The following GABRG2 variants were observed in gnomAD, a reference collection of about 807,000 sequenced individuals.
GABRG2 encodes gamma-aminobutyric acid receptor subunit gamma-2.
Under a neutral mutation model 56.4 loss-of-function variants are expected in GABRG2, and 16 were observed. The observed-to-expected ratio is 0.28, with a 90% CI of 0.19 to 0.43. GABRG2 has a LOEUF of 0.43. Ranked by LOEUF, GABRG2 falls within the 20% of genes least tolerant of loss-of-function variation. The pLI is 1.00. For missense variants in GABRG2, 327 were observed against 582.7 expected, an observed-to-expected ratio of 0.56 and a Z score of 4.52; for synonymous variants, 208 against 205.5, an observed-to-expected ratio of 1.01 and a Z score of -0.10.
Position 162,095,600 on chromosome 5 carries a change from G to A in GABRG2, c.327+38G>A, listed in dbSNP as rs377387293. 39 of 1,404,834 alleles carry A rather than the reference G, an allele frequency of 2.8e-5. No homozygotes were observed. The Admixed American group carries it at 4.4e-4, about 16-fold the overall frequency. 87.0% of individuals were successfully genotyped at this position (1,404,834 alleles called of 1,614,324 possible). A position where few individuals can be genotyped will look rare whatever the true frequency, so the allele number is the denominator to read the frequency against. ...ATAAAATTCTTTGTCTGTTTTATTA[G>A]CATGTTTGAGAGAAAATGTGATGTC... On this transcript the variant is annotated intron_variant, in intron 3 of 9. Coordinates refer to ENST00000639213, the MANE Select transcript of GABRG2 (RefSeq NM_198904.4).
intron 1 of GABRG2, among the ~76,000 whole-genome samples, chr5:162,088,500 G>A (rs1352151211): frequency 6.6e-6 from 1 of 152,096 alleles, no homozygotes; most frequent in Non-Finnish European, 1.5e-5. Context: ...AGTGTGGGGA[G>A]ATCAAATCAT....
At chr5:162,084,062 C>A (rs1451827887) in intron 1 of GABRG2, among the ~76,000 whole-genome samples, 1 of 151,752 alleles carries the variant, frequency 6.6e-6, no homozygotes, top group Non-Finnish European at 1.5e-5. Flanking sequence ...TTTTGTCTCC[C>A]AGATATGCCA....
intron 5 of GABRG2, 182 bp from the exon 6 acceptor site, chr5:162,103,707 C>T: frequency 4.7e-6 from 3 of 645,158 alleles, no homozygotes; most frequent in Non-Finnish European, 5.4e-6. Flanking sequence ...ATCTAACTTC[C>T]CATTAGGATG....
At chr5:162,094,724 A>AATT (rs1219892678) in intron 2 of GABRG2, 1 of 152,402 alleles carries the variant, frequency 6.6e-6, no homozygotes, top group Admixed American at 6.6e-5. Flanking sequence ...TCAGTCCACC[A>AATT]CAGTGAGTTA....
At chr5:162,142,424 A>G (rs12520992) in intron 7 of GABRG2, 108 bp downstream of exon 7, 62 of 1,151,896 alleles carry the variant, frequency 5.4e-5, no homozygotes, top group Non-Finnish European at 6.7e-5. Context: ...CTGCAATTGC[A>G]TAGAAATACC....
chr5:162,091,117 A>G (rs1760544016), intron 1 of GABRG2, among the ~76,000 whole-genome samples: 1 of 152,092 alleles, frequency 6.6e-6, no homozygotes, highest in South Asian at 2.1e-4. Flanking sequence ...TCATTTATTT[A>G]TAATGTAGAT....
intron 6 of GABRG2, among the ~76,000 whole-genome samples, chr5:162,113,794 G>A (rs1762419484): frequency 6.6e-6 from 1 of 152,312 alleles, no homozygotes; most frequent in East Asian, 1.9e-4. Flanking sequence ...TGTTAAAGAG[G>A]TAATGCAATC....
chr5:162,143,316 G>A (rs1764720927), intron 7 of GABRG2, among the ~76,000 whole-genome samples: 1 of 151,782 alleles, frequency 6.6e-6, no homozygotes, highest in Non-Finnish European at 1.5e-5. Flanking sequence ...AACAGCGATG[G>A]AAAAAATTAT....
At chr5:162,117,496 T>A (rs9313908) in intron 6 of GABRG2, among the ~76,000 whole-genome samples, 6,625 of 152,242 alleles carry the variant, frequency 0.044, 523 homozygotes, top group African/African-American at 0.15. Context: ...GAAGATATTG[T>A]CAAAAAGAGT....
chr5:162,115,114 G>T (rs558414533), intron 6 of GABRG2, among the ~76,000 whole-genome samples: 2 of 152,242 alleles, frequency 1.3e-5, no homozygotes, highest in East Asian at 3.9e-4. Flanking sequence ...AGGCAGCTGT[G>T]TATAGAGCTC....
At chr5:162,145,147 A>G (rs1468848066) in intron 7 of GABRG2, among the ~76,000 whole-genome samples, 1 of 152,208 alleles carries the variant, frequency 6.6e-6, no homozygotes, top group Middle Eastern at 3.2e-3. Context: ...TTGTTTGATG[A>G]GCAAGATAAA....
chr5:162,140,681 A>C (rs1387074826), intron 6 of GABRG2, among the ~76,000 whole-genome samples: 1 of 152,244 alleles, frequency 6.6e-6, no homozygotes, highest in Non-Finnish European at 1.5e-5. Context: ...AAAAAGAAGC[A>C]ACATTTGAAA....
intron 7 of GABRG2, among the ~76,000 whole-genome samples, chr5:162,144,899 G>C (rs1317220279): frequency 1.3e-5 from 2 of 152,150 alleles, no homozygotes; most frequent in African/African-American, 4.8e-5. Flanking sequence ...AGATTCCTTA[G>C]TTCAACCCCA....
At chr5:162,071,262 G>C (rs1480779455) in intron 1 of GABRG2, among the ~76,000 whole-genome samples, 1 of 150,416 alleles carries the variant, frequency 6.6e-6, no homozygotes, top group Non-Finnish European at 1.5e-5. Flanking sequence ...TTCCATCTCA[G>C]AGTAAAAATA....
rs1383679818 is a variant in GABRG2 at position 162,109,416 on chromosome 5, A to ATTTATT, written c.769+5391_769+5392insTTATTT. ...TATATATATATATATATATATATAT[A>ATTTATT]TATATATTTATTTATATAAAATGAA... is the stretch of plus-strand genomic sequence containing the variant. On this transcript the variant is annotated intron_variant, in intron 6 of 9. Transcript: ENST00000639213. Among the ~76,000 whole-genome samples the ATTTATT allele has an allele frequency of 2.8e-3, 243 of 87,540 alleles. 2 individuals are homozygous for ATTTATT. Among genetic ancestry groups the ATTTATT allele is most frequent in the African/African-American group, 8.1e-3 (214 of 26,458 alleles). The allele number at this position is 87,540 out of a possible 152,430, so 57.4% of individuals were successfully genotyped here.
At chr5:162,085,862 G>T (rs192419549) in intron 1 of GABRG2, among the ~76,000 whole-genome samples, 182 of 151,908 alleles carry the variant, frequency 1.2e-3, no homozygotes, top group Non-Finnish European at 2.1e-3. Context: ...AGTTTGATAA[G>T]GATAGTGGTC....
At chr5:162,147,385 CAG>C (rs955375179) in intron 7 of GABRG2, among the ~76,000 whole-genome samples, 2 of 150,408 alleles carry the variant, frequency 1.3e-5, no homozygotes, top group Non-Finnish European at 3.0e-5. Flanking sequence ...TTCTTTTTGA[CAG>C]AGTTTTTACT....
chr5:162,149,969 T>C, intron 8 of GABRG2: 1 of 207,112 alleles, frequency 4.8e-6, no homozygotes, highest in Non-Finnish European at 1.0e-5. Flanking sequence ...TCTCAGGCAT[T>C]CCACTAGGAA....
At chr5:162,097,014 T>TTCTA (rs746791356) in intron 3 of GABRG2, among the ~76,000 whole-genome samples, 9 of 152,158 alleles carry the variant, frequency 5.9e-5, no homozygotes, top group Non-Finnish European at 1.0e-4. Flanking sequence ...GATTGCCCTT[T>TTCTA]TCTATCCTAA....
Sources: allele counts gnomAD v4.1 joint callset (sites outside exome capture counted in the v4.1 genomes callset), GRCh38; gene constraint gnomAD v4.1.1; transcripts MANE v1.5; gene names NCBI Gene and HGNC (gene_info 2026-07-23, HGNC 2026-07-21).